Variants in ERCC6L observed in about 807,000 individuals in gnomAD.
ERCC6L encodes the protein DNA excision repair protein ERCC-6-like.
A neutral mutation model predicts 20.1 loss-of-function variants in ERCC6L; 7 were observed. The observed-to-expected ratio is 0.35, with a 90% CI of 0.20 to 0.65. ERCC6L has a LOEUF of 0.65. ERCC6L is among the 30% of genes least tolerant of loss of function. The pLI is 0.69. For synonymous variants in ERCC6L, 278 were observed against 331.3 expected (o/e 0.84, Z 1.75); for missense variants, 592 against 892.4 (o/e 0.66, Z 4.29).
intron 1 of ERCC6L, among the ~76,000 whole-genome samples, chrX:72,210,202 A>AAATAAAT (rs2042845642): frequency 2.1e-5 from 2 of 97,197 alleles, no homozygotes; most frequent in African/African-American, 3.8e-5. Context: ...TGTCTCTTAA[A>AAATAAAT]AAATAAATAA....
At chrX:72,212,669 G>A (rs1020607743) in intron 1 of ERCC6L, among the ~76,000 whole-genome samples, 5 of 112,230 alleles carry the variant, frequency 4.5e-5, no homozygotes, top group African/African-American at 6.5e-5. Context: ...AGCTGGGAGC[G>A]GTGGCTTGAG....
intron 1 of ERCC6L, among the ~76,000 whole-genome samples, chrX:72,236,803 C>T (rs1307975148): frequency 1.8e-5 from 2 of 111,876 alleles, no homozygotes; most frequent in African/African-American, 6.5e-5. Context: ...GGTTTTGCTA[C>T]GTCATTTCAC....
Position 72,205,391 on chromosome X carries a change from A to G in ERCC6L, c.3376T>C (p.Tyr1126His). The G allele has an allele frequency of 8.3e-7, 1 of 1,211,940 alleles. No homozygotes were observed. The highest frequency in any genetic ancestry group is 1.1e-6 in the Non-Finnish European group (1 of 895,550). Residue 1126 changes from tyrosine (Y) to histidine (H), a missense_variant, in exon 2 of 2, where the codon TAT becomes CAT. By Grantham distance (83) the Tyr-to-His change is moderately conservative. Coordinates refer to ENST00000334463, the MANE Select transcript of ERCC6L (RefSeq NM_017669.4). ...DSSEAKGPED[Y>H]PEEGVEESSG... The stretch of plus-strand genomic sequence containing the variant: ...CTTTCCTCCACCCCTTCTTCTGGAT[A>G]ATCTTCAGGACCCTTTGCTTCACTG...
intron 1 of ERCC6L, among the ~76,000 whole-genome samples, chrX:72,209,730 C>G (rs2042841595): frequency 8.9e-6 from 1 of 111,737 alleles, no homozygotes; most frequent in Non-Finnish European, 1.9e-5. Context: ...AATACACACT[C>G]TATATAGCAG....
chrX:72,231,881 C>A (rs969889985), intron 1 of ERCC6L, among the ~76,000 whole-genome samples: 1 of 111,589 alleles, frequency 9.0e-6, no homozygotes, highest in Non-Finnish European at 1.9e-5. Flanking sequence ...ATTGAAACAT[C>A]ACATTGTACC....
In ERCC6L at chrX:72,206,953, A is replaced by G. The variant is rs905645046; in HGVS notation, c.1814T>C (p.Ile605Thr). The G allele has an allele frequency of 8.3e-7, 1 of 1,211,111 alleles. No homozygotes were observed. Among genetic ancestry groups the G allele is most frequent in the African/African-American group, 1.7e-5 (1 of 57,793 alleles). Reference sequence around the variant, plus strand: ...CTTTTTTTCACCAGTAGTTTGTCTTATTAATGAGTCCTTGAAAACCTGTCT... The same window carrying G: ...CTTTTTTTCACCAGTAGTTTGTCTTGTTAATGAGTCCTTGAAAACCTGTCT... ...YRRQVFKDSLIRQTTGEKKNP... is the reference protein window; with the variant it reads ...YRRQVFKDSLTRQTTGEKKNP... Residue 605 changes from isoleucine (I) to threonine (T), a missense_variant, in exon 2 of 2, where the codon ATA (isoleucine) becomes ACA (threonine). By Grantham distance (89) the Ile-to-Thr change is moderately conservative. This residue lies in a region of ERCC6L where 196 missense variants were observed against 440.1 expected (regional missense o/e 0.45). Coordinates refer to ENST00000334463, the MANE Select transcript of ERCC6L (RefSeq NM_017669.4).
chrX:72,210,052 A>C (rs1241125774), intron 1 of ERCC6L, among the ~76,000 whole-genome samples: 1 of 108,735 alleles, frequency 9.2e-6, no homozygotes, highest in Non-Finnish European at 1.9e-5. Flanking sequence ...CCGAACACAC[A>C]AGCAACCAGA....
At chrX:72,229,011 G>A (rs973326711) in intron 1 of ERCC6L, among the ~76,000 whole-genome samples, 1 of 111,036 alleles carries the variant, frequency 9.0e-6, no homozygotes, top group African/African-American at 3.3e-5. Context: ...TGAAAGAGCT[G>A]ACACCCTGGT....
chrX:72,206,457 G>A lies in ERCC6L; in HGVS notation c.2310C>T (p.Ser770=). Residue 770 remains serine (S), a synonymous_variant, in exon 2 of 2, where the codon TCC becomes TCT. Coordinates refer to ENST00000334463, the MANE Select transcript of ERCC6L (RefSeq NM_017669.4). Reference sequence around the variant, plus strand: ...CATCAATGACTACACTTGCCATTTTGGAACTGATATCTTCTTCCTGAGTAT... The same window carrying A: ...CATCAATGACTACACTTGCCATTTTAGAACTGATATCTTCTTCCTGAGTAT... ...THHTQEEDIS[S]KMASVVIDDL... is the part of the protein sequence containing the mutation. The A allele has an allele frequency of 8.3e-7, 1 of 1,210,783 alleles. No homozygotes were observed. The highest frequency in any genetic ancestry group is 1.1e-6 in the Non-Finnish European group (1 of 895,171).
chrX:72,229,924 G>A (rs778281020), intron 1 of ERCC6L, among the ~76,000 whole-genome samples: 5 of 111,812 alleles, frequency 4.5e-5, no homozygotes, highest in African/African-American at 6.5e-5. Context: ...CAGGCACGGT[G>A]GCTCACGCCT....
At chrX:72,226,810 T>C (rs924955510) in intron 1 of ERCC6L, among the ~76,000 whole-genome samples, 3 of 111,673 alleles carry the variant, frequency 2.7e-5, no homozygotes, top group African/African-American at 9.8e-5. Flanking sequence ...CAAACCCCCA[T>C]ACTGCTTTGT....
Position 72,207,445 on chromosome X carries a change from G to A in ERCC6L, c.1322C>T (p.Ser441Phe). 2 of 1,211,010 alleles carry A rather than the reference G, an allele frequency of 1.7e-6. No homozygotes were observed. The highest frequency in any genetic ancestry group is 2.2e-6 in the Non-Finnish European group (2 of 895,219). The stretch of plus-strand genomic sequence containing the variant: ...TTGATCAATATGGTCCACATCTGGG[G>A]AATCTTCCCCCTCATTTCCATCTTG... The part of the protein sequence containing the change: ...SAQDGNEGED[S>F]PDVDHIDQVT... Residue 441 changes from serine (S) to phenylalanine (F), a missense_variant, in exon 2 of 2, where the codon TCC becomes TTC. Around this residue, in one of 3 missense-constraint regions of ERCC6L, gnomAD observed 196 missense variants for 440.1 expected, o/e 0.45. Transcript: ENST00000334463.
intron 1 of ERCC6L, among the ~76,000 whole-genome samples, chrX:72,229,260 C>A (rs994755394): frequency 9.0e-6 from 1 of 111,391 alleles, no homozygotes; most frequent in African/African-American, 3.3e-5. Context: ...CTCTGACCAT[C>A]AAACTAACCG....
Position 72,207,259 on chromosome X carries a change from G to C in ERCC6L, c.1508C>G (p.Thr503Arg). 1 of 1,211,435 alleles carries C rather than the reference G, an allele frequency of 8.3e-7. No homozygotes were observed. The highest frequency in any genetic ancestry group is 1.1e-6 in the Non-Finnish European group (1 of 895,163). ...AGTAACTGTCCCATCGATTCGCAAT[G>C]TCTTAAAGTGCCTATTCTTTAAGAG... The part of the protein sequence containing the change: ...ERLLKNRHFK[T>R]LRIDGTVTHL... The change falls in exon 2 of 2, where the codon ACA becomes AGA. Residue 503 changes from threonine to arginine, a missense_variant. This residue lies in a region of ERCC6L where 196 missense variants were observed against 440.1 expected (regional missense o/e 0.45). Transcript: ENST00000334463.
At chrX:72,236,289 A>T (rs2043016574) in intron 1 of ERCC6L, among the ~76,000 whole-genome samples, 1 of 111,490 alleles carries the variant, frequency 9.0e-6, no homozygotes, top group African/African-American at 3.3e-5. Flanking sequence ...CTTCATCTCT[A>T]CAAAAATCTT....
intron 1 of ERCC6L, among the ~76,000 whole-genome samples, chrX:72,223,159 AC>A (rs2042934530): frequency 1.1e-5 from 1 of 94,206 alleles, no homozygotes; most frequent in Non-Finnish European, 2.1e-5. Context: ...ACATGGTGAA[AC>A]CCCGTCTCTA....
chrX:72,235,613 G>A (rs188344284), intron 1 of ERCC6L, among the ~76,000 whole-genome samples: 14 of 110,576 alleles, frequency 1.3e-4, no homozygotes, highest in Non-Finnish European at 1.7e-4. Context: ...GGCTGGTCTC[G>A]AACTCCTGAC....
At position 72,205,054 on chromosome X, in the gene ERCC6L, A is replaced by C. The variant is rs1284988704; in HGVS notation, c.3713T>G (p.Leu1238Arg). 4.1e-6 allele frequency: 5 copies of C among 1,206,438 alleles called. No homozygotes were observed. The highest frequency in any genetic ancestry group is 5.6e-6 in the Non-Finnish European group (5 of 893,903). The change falls in exon 2 of 2, where the codon CTC becomes CGC. Residue 1238 changes from leucine (L) to arginine (R), a missense_variant. Around this residue, in one of 3 missense-constraint regions of ERCC6L, gnomAD observed 352 missense variants for 402.6 expected, o/e 0.87. Transcript: ENST00000334463. ...TTGCTTATACAAACTTAAAGTCAAG[A>C]GCATAACTTCAGGATCTGCACTTTT... is the stretch of plus-strand genomic sequence containing the variant. Reference protein sequence around the residue: ...DIKSADPEVMLLTLSLYKQLN... With the variant: ...DIKSADPEVMRLTLSLYKQLN...
chrX:72,219,317 G>A (rs1429295349), intron 1 of ERCC6L, among the ~76,000 whole-genome samples: 1 of 109,998 alleles, frequency 9.1e-6, no homozygotes, highest in Non-Finnish European at 1.9e-5. Flanking sequence ...ACTTTGTGAG[G>A]CCAAGGCGGG....
Sources: allele counts gnomAD v4.1 joint callset (sites outside exome capture counted in the v4.1 genomes callset), GRCh38; gene constraint gnomAD v4.1.1; regional missense constraint gnomAD v4.1.1; transcripts MANE v1.5; gene names NCBI Gene and HGNC (gene_info 2026-07-23, HGNC 2026-07-21).